Variants in DLG2 observed in about 807,000 individuals in gnomAD.
The protein encoded by DLG2 is disks large homolog 2.
DLG2 carries 45 observed loss-of-function variants against 132.5 expected under a neutral mutation model. The ratio of observed to expected loss-of-function variants is 0.34; its 90% CI spans 0.27 to 0.44. The LOEUF is 0.44. Among genes scored for constraint, DLG2 ranks in the 20% least tolerant of loss-of-function variants. The pLI, the probability that DLG2 is intolerant of heterozygous loss-of-function variation, is 1.00. For synonymous variants in DLG2, 424 were observed against 419.6 expected, an observed-to-expected ratio of 1.01 and a Z score of -0.13; for missense variants, 1,045 against 1,196.9, an observed-to-expected ratio of 0.87 and a Z score of 1.87.
chr11:83,480,136 T>C (rs768600343), intron 22 of DLG2, among the ~76,000 whole-genome samples: 7 of 152,076 alleles, frequency 4.6e-5, no homozygotes, highest in Admixed American at 1.3e-4. Flanking sequence ...CCAACTGAGG[T>C]TGGAATTGTT....
intron 7 of DLG2, among the ~76,000 whole-genome samples, chr11:84,349,131 A>G (rs1451307429): frequency 6.6e-6 from 1 of 152,160 alleles, no homozygotes; most frequent in Admixed American, 6.5e-5. Flanking sequence ...GACAACCTCA[A>G]GTTGTTTTAG....
At chr11:84,898,367 T>A (rs1200247981) in intron 6 of DLG2, among the ~76,000 whole-genome samples, 1 of 151,980 alleles carries the variant, frequency 6.6e-6, no homozygotes, top group Non-Finnish European at 1.5e-5. Flanking sequence ...AAGACTTTTA[T>A]AAACCATGCT....
At chr11:83,924,080 T>C (rs2078469106) in intron 15 of DLG2, among the ~76,000 whole-genome samples, 1 of 152,108 alleles carries the variant, frequency 6.6e-6, no homozygotes, top group Admixed American at 6.6e-5. Context: ...CTATTTCTTT[T>C]ACTTGGAACA....
rs1362541155 is a variant in DLG2, at chr11:85,023,556, AAT to A, written c.357+88103_357+88104del. Among the ~76,000 whole-genome samples, 5 of 152,130 alleles carry A rather than the reference AAT, an allele frequency of 3.3e-5. No homozygotes were observed. In the East Asian group the frequency reaches 7.7e-4, roughly 23 times the overall value. ...AATATAAATATTTAGAGCACAAGAT[AAT>A]AGAGATTAAATAAATACACAAACAA... On this transcript the variant is annotated intron_variant, in intron 6 of 27. Coordinates refer to ENST00000376104, the MANE Select transcript of DLG2 (RefSeq NM_001142699.3).
chr11:83,691,941 A>G (rs1490871586), intron 18 of DLG2: 1 of 152,198 alleles, frequency 6.6e-6, no homozygotes, highest in East Asian at 1.9e-4. Context: ...GACTACGTAA[A>G]GTTGTGAGAA....
intron 17 of DLG2, among the ~76,000 whole-genome samples, chr11:83,808,173 CCT>C (rs956104599): frequency 6.6e-6 from 1 of 152,136 alleles, no homozygotes; most frequent in African/African-American, 2.4e-5. Flanking sequence ...AGGCTGTTTC[CCT>C]GTTTCTTTAG....
intron 3 of DLG2, among the ~76,000 whole-genome samples, chr11:85,556,903 T>C (rs2076969092): frequency 2.0e-5 from 3 of 151,840 alleles, no homozygotes. Flanking sequence ...TAAATTTCTG[T>C]GATATTTGTC....
intron 6 of DLG2, among the ~76,000 whole-genome samples, chr11:85,016,919 T>C (rs1006005257): frequency 6.6e-6 from 1 of 152,102 alleles, no homozygotes; most frequent in African/African-American, 2.4e-5. Context: ...TCTGTTCTGC[T>C]CTCCCATCTA....
At chr11:83,603,126 C>T (rs527742388) in intron 19 of DLG2, among the ~76,000 whole-genome samples, 2 of 151,726 alleles carry the variant, frequency 1.3e-5, no homozygotes, top group African/African-American at 4.8e-5. Context: ...AGAGATAGAT[C>T]GCATATTCAA....
intron 7 of DLG2, among the ~76,000 whole-genome samples, chr11:84,408,053 C>A (rs2098866927): frequency 1.3e-5 from 2 of 152,096 alleles, no homozygotes; most frequent in African/African-American, 4.8e-5. Flanking sequence ...GAGACAACAG[C>A]TTTAATTTAT....
At chr11:84,027,634 G>A (rs1194203444) in intron 11 of DLG2, among the ~76,000 whole-genome samples, 4 of 151,902 alleles carry the variant, frequency 2.6e-5, no homozygotes, top group African/African-American at 9.7e-5. Flanking sequence ...CATGCATCGG[G>A]AGAAACACCT....
At chr11:83,745,130 A>G (rs1458648640) in intron 18 of DLG2, among the ~76,000 whole-genome samples, 4 of 152,200 alleles carry the variant, frequency 2.6e-5, no homozygotes, top group African/African-American at 9.6e-5. Flanking sequence ...TCATCTGCTC[A>G]TCCTGAGGTT....
intron 7 of DLG2, among the ~76,000 whole-genome samples, chr11:84,394,912 A>C (rs1431741798): frequency 6.6e-6 from 1 of 152,066 alleles, no homozygotes; most frequent in East Asian, 1.9e-4. Flanking sequence ...GAGTCACAGC[A>C]CCTAGCCCTT....
intron 6 of DLG2, among the ~76,000 whole-genome samples, chr11:84,669,016 A>G (rs1422454694): frequency 6.6e-6 from 1 of 152,134 alleles, no homozygotes; most frequent in Non-Finnish European, 1.5e-5. Context: ...GGGAGTATAT[A>G]GTATATCTGG....
Position 83,719,895 on chromosome 11 carries a change from C to T in DLG2, c.1825+66795G>A, listed in dbSNP as rs970511105. On this transcript the variant is annotated intron_variant, in intron 18 of 27. Coordinates refer to ENST00000376104, the MANE Select transcript of DLG2 (RefSeq NM_001142699.3). Reference sequence around the variant, plus strand: ...AAACACCAGTCTTAGCCTTTGTTCCCGACAAACAGACTGGATAACTTCCAT... The same window carrying T: ...AAACACCAGTCTTAGCCTTTGTTCCTGACAAACAGACTGGATAACTTCCAT... Among the ~76,000 whole-genome samples the T allele has an allele frequency of 7.2e-5, 11 of 152,168 alleles. 1 individual carries two copies. Among genetic ancestry groups the T allele is most frequent in the East Asian group, 1.9e-4 (1 of 5,174 alleles).
At chr11:84,790,797 T>C (rs572287904) in intron 6 of DLG2, among the ~76,000 whole-genome samples, 2 of 152,356 alleles carry the variant, frequency 1.3e-5, no homozygotes, top group South Asian at 2.1e-4. Context: ...TTTATTCTTT[T>C]GCATATGGAT....
At chr11:84,541,502 C>G (rs1197273311) in intron 6 of DLG2, among the ~76,000 whole-genome samples, 2 of 152,074 alleles carry the variant, frequency 1.3e-5, no homozygotes, top group African/African-American at 2.4e-5. Flanking sequence ...ATCTGTATCT[C>G]TTTTATGCTC....
intron 6 of DLG2, among the ~76,000 whole-genome samples, chr11:84,919,806 C>A (rs1202744370): frequency 1.3e-5 from 2 of 152,190 alleles, no homozygotes; most frequent in African/African-American, 4.8e-5. Flanking sequence ...ATGCAACAAG[C>A]TTCCTGCATA....
chr11:84,381,731 C>T (rs998688558), intron 7 of DLG2, among the ~76,000 whole-genome samples: 1 of 152,124 alleles, frequency 6.6e-6, no homozygotes, highest in African/African-American at 2.4e-5. Flanking sequence ...TGGTTATAAA[C>T]AACGAACTCT....
Sources: gnomAD v4.1 joint callset for allele counts (sites outside exome capture counted in the v4.1 genomes callset) on GRCh38, gnomAD v4.1.1 for gene constraint, MANE v1.5 for transcripts, NCBI Gene and HGNC (gene_info 2026-07-23, HGNC 2026-07-21) for gene names.